The following NECAB2 variants were observed in gnomAD, a reference collection of about 807,000 sequenced individuals.
NECAB2 encodes N-terminal EF-hand calcium-binding protein 2.
In NECAB2, 68 loss-of-function variants were observed where a neutral mutation model predicts 51.9. The observed-to-expected ratio is 1.31, with a 90% CI of 1.08 to 1.60. The LOEUF (loss-of-function observed/expected upper bound fraction) is 1.60. Ranked by LOEUF, NECAB2 falls within the 40% of genes most tolerant of loss-of-function variation. The probability of loss-of-function intolerance (pLI) is 0.00; values close to 1 mark genes in which losing one functional copy is unlikely to be tolerated. For synonymous variants in NECAB2, 329 were observed against 203.5 expected (o/e 1.62, Z -5.25); for missense variants, 854 against 490.3 (o/e 1.74, Z -7.00).
At chr16:83,977,581 C>G (rs779055504) in intron 2 of NECAB2, among the ~76,000 whole-genome samples, 1 of 152,044 alleles carries the variant, frequency 6.6e-6, no homozygotes, top group Non-Finnish European at 1.5e-5. Context: ...CCACAGAGCC[C>G]CTCCACAGAG....
intron 5 of NECAB2, among the ~76,000 whole-genome samples, chr16:83,989,874 C>A (rs935640125): frequency 6.6e-6 from 1 of 152,164 alleles, no homozygotes; most frequent in African/African-American, 2.4e-5. Context: ...TGATTTCCCC[C>A]CAGGCTCCTC....
chr16:83,989,364 G>A (rs35128992), intron 5 of NECAB2, among the ~76,000 whole-genome samples: 54 of 152,196 alleles, frequency 3.5e-4, no homozygotes, highest in Non-Finnish European at 6.2e-4. Context: ...CCACGCCTTA[G>A]CTGTCTTCTC....
intron 11 of NECAB2, among the ~76,000 whole-genome samples, chr16:84,001,438 G>T (rs544725470): frequency 6.6e-6 from 1 of 152,108 alleles, no homozygotes; most frequent in Non-Finnish European, 1.5e-5. Context: ...CATGAGAAGT[G>T]AGAGTGTCCC....
intron 11 of NECAB2, among the ~76,000 whole-genome samples, chr16:84,001,254 C>G (rs1254639189): frequency 7.4e-6 from 1 of 134,744 alleles, no homozygotes; most frequent in Non-Finnish European, 1.5e-5. Context: ...GGCCTTAGGC[C>G]TTTGTCCTCT....
intron 3 of NECAB2, 98 bp downstream of exon 3, chr16:83,978,650 A>G: frequency 3.8e-6 from 4 of 1,062,604 alleles, no homozygotes; most frequent in Non-Finnish European, 5.5e-6. Context: ...TGTAAGGGGC[A>G]GGAGAACTGA....
In NECAB2 at chr16:83,981,140, A is replaced by C. The variant is rs2084483817; in HGVS notation, c.459+13A>C. On this transcript the variant is annotated intron_variant, in intron 5 of 12. Transcript: ENST00000305202. ...TTATACCAAGAAGGTCAGTGGGTGT[A>C]GGTGGCCCCCGGGGTCCAGGGCTCC... 6.3e-7 allele frequency: 1 copy of C among 1,592,556 alleles called. No individual in the cohort carries two copies. The highest frequency in any genetic ancestry group is 8.5e-7 in the Non-Finnish European group (1 of 1,170,216).
intron 10 of NECAB2, among the ~76,000 whole-genome samples, chr16:84,000,127 C>T (rs8048675): frequency 8.6e-5 from 13 of 151,858 alleles, no homozygotes; most frequent in South Asian, 2.1e-4. Context: ...CCTGACCTCA[C>T]GTAATCCACC....
At chr16:83,972,482 G>A (rs941003085) in intron 2 of NECAB2, among the ~76,000 whole-genome samples, 1 of 152,174 alleles carries the variant, frequency 6.6e-6, no homozygotes, top group African/African-American at 2.4e-5. Context: ...CCTTTTCCTA[G>A]CTGGGCTGGA....
intron 1 of NECAB2, 31 bp from the exon 2 acceptor site, chr16:83,972,120 C>G (rs756395572): frequency 3.1e-6 from 5 of 1,612,834 alleles, no homozygotes; most frequent in Admixed American, 3.3e-5. Context: ...TCTCCCTGGC[C>G]CAGGGCTGAC....
intron 5 of NECAB2, among the ~76,000 whole-genome samples, chr16:83,984,237 T>C (rs1038163597): frequency 1.3e-5 from 2 of 151,766 alleles, no homozygotes; most frequent in African/African-American, 4.8e-5. Context: ...CCTCGTGATC[T>C]GTCCTCCTCG....
At chr16:83,975,435 C>T (rs770586354) in intron 2 of NECAB2, among the ~76,000 whole-genome samples, 1 of 152,080 alleles carries the variant, frequency 6.6e-6, no homozygotes, top group Non-Finnish European at 1.5e-5. Flanking sequence ...AACACTGACG[C>T]TAGCCCTGCC....
At chr16:83,994,077 G>A (rs1157468314) in intron 6 of NECAB2, among the ~76,000 whole-genome samples, 1 of 152,212 alleles carries the variant, frequency 6.6e-6, no homozygotes, top group Non-Finnish European at 1.5e-5. Context: ...CTAGAATGGA[G>A]CTGAATTCGA....
upstream of NECAB2, among the ~76,000 whole-genome samples, chr16:83,966,626 C>T (rs952168911): frequency 2.0e-5 from 3 of 152,208 alleles, no homozygotes; most frequent in African/African-American, 7.2e-5. Context: ...GGCCTCCCTC[C>T]TCTCTGTTCT....
intron 1 of NECAB2, among the ~76,000 whole-genome samples, chr16:83,971,298 C>T (rs866766297): frequency 6.6e-6 from 1 of 152,162 alleles, no homozygotes; most frequent in African/African-American, 2.4e-5. Flanking sequence ...ATGCTGAAAT[C>T]AGAGTGGGCC....
At position 83,983,484 on chromosome 16, in the gene NECAB2, T is replaced by A. The variant is rs556572726; in HGVS notation, c.459+2357T>A. Among the ~76,000 whole-genome samples the A allele has an allele frequency of 7.2e-5, 11 of 152,350 alleles. No homozygotes were observed. The South Asian group carries it at 8.3e-4, about 11-fold the overall frequency. On this transcript the variant is annotated intron_variant, in intron 5 of 12. Transcript: ENST00000305202. ...ACCAGCTCTTATTTTAGAATCCTTG[T>A]CAGCATGTTGGAGAAATATTTTTGC...
intron 1 of NECAB2, 134 bp from the exon 2 acceptor site, chr16:83,972,017 G>A (rs759935655): frequency 7.4e-6 from 9 of 1,211,430 alleles, no homozygotes; most frequent in African/African-American, 4.5e-5. Flanking sequence ...AGGGGGAGAG[G>A]GAAGGGGGGC....
In NECAB2 at chr16:84,002,004, T is replaced by C. The variant is rs575230979; in HGVS notation, c.1132+88T>C. On this transcript the variant is annotated intron_variant, in intron 12 of 12. Transcript: ENST00000305202. ...AGGCTGCCCCATATCTCCCGGGGAC[T>C]TGCCTGCTTGCTGTGGGCCCACTGT... 4.2e-5 allele frequency: 60 copies of C among 1,419,988 alleles called. No individual in the cohort carries two copies. The African/African-American group carries it at 8.6e-4, about 20-fold the overall frequency. 88.0% of individuals were successfully genotyped at this position (1,419,988 alleles called of 1,614,324 possible).
upstream of NECAB2, among the ~76,000 whole-genome samples, chr16:83,966,496 A>C (rs2151081080): frequency 1.3e-5 from 2 of 152,248 alleles, no homozygotes. Flanking sequence ...ATGGTGCCCC[A>C]AGTGTGGGGG....
At chr16:83,978,730 C>A (rs2084448274) in intron 3 of NECAB2, among the ~76,000 whole-genome samples, 178 bp downstream of exon 3, 1 of 152,028 alleles carries the variant, frequency 6.6e-6, no homozygotes, top group African/African-American at 2.4e-5. Context: ...TGTGCAGATT[C>A]ATATTGCATT....
Sources: allele counts gnomAD v4.1 joint callset (sites outside exome capture counted in the v4.1 genomes callset), GRCh38; gene constraint gnomAD v4.1.1; transcripts MANE v1.5; gene names NCBI Gene and HGNC (gene_info 2026-07-23, HGNC 2026-07-21).